The following VWA5A variants were observed in gnomAD, a reference collection of about 807,000 sequenced individuals.
VWA5A encodes the protein von Willebrand factor A domain-containing protein 5A.
VWA5A carries 77 observed loss-of-function variants against 84.6 expected under a neutral mutation model. That is an observed-to-expected ratio of 0.91 (90% CI 0.76 to 1.10). VWA5A has a LOEUF of 1.10. Among genes scored for constraint, VWA5A ranks in the 50% least tolerant of loss-of-function variants. VWA5A has a pLI of 0.00. For missense variants in VWA5A, 973 were observed against 963.0 expected (o/e 1.01, Z -0.14); for synonymous variants, 334 against 350.1 (o/e 0.95, Z 0.51).
rs775195651 is a variant in VWA5A at position 124,123,779 on chromosome 11, C to A, written c.1139C>A (p.Pro380His). The change falls in exon 10 of 19, where the codon CCC becomes CAC. Residue 380 changes from proline (P) to histidine (H), a missense_variant. Transcript: ENST00000456829. The stretch of plus-strand genomic sequence containing the variant: ...CCACTCCAGAACATTTACAGGGGAC[C>A]CTCCATCCCAGGCCACCCCCTACAG... ...LAPLQNIYRG[P>H]SIPGHPLQLF... 6.3e-7 allele frequency: 1 copy of A among 1,591,508 alleles called. No individual in the cohort carries two copies. Among genetic ancestry groups the A allele is most frequent in the Admixed American group, 1.8e-5 (1 of 55,656 alleles).
chr11:124,120,805 A>G (rs1304588060), intron 7 of VWA5A, among the ~76,000 whole-genome samples: 3 of 152,188 alleles, frequency 2.0e-5, no homozygotes, highest in Non-Finnish European at 4.4e-5. Flanking sequence ...AGTTAAGATT[A>G]TTTCAAAGGA....
Position 124,136,298 on chromosome 11 carries a change from G to C in VWA5A, c.1524+5G>C. The C allele has an allele frequency of 6.2e-7, 1 of 1,609,798 alleles. No individual in the cohort carries two copies. The highest frequency in any genetic ancestry group is 8.5e-7 in the Non-Finnish European group (1 of 1,176,520). ...CAGCTGACCGGGAGGATGCCAGTGA[G>C]TTCCCATTCTTATTTGTTCCTCTAG... is the stretch of plus-strand genomic sequence containing the variant. On this transcript the variant is annotated splice_donor_5th_base_variant and intron_variant, in intron 13 of 18. Coordinates refer to ENST00000456829, the MANE Select transcript of VWA5A (RefSeq NM_001130142.2).
intron 6 of VWA5A, 30 bp from the exon 7 acceptor site, chr11:124,118,945 A>T: frequency 2.0e-5 from 32 of 1,605,330 alleles, no homozygotes; most frequent in Non-Finnish European, 2.6e-5. Context: ...TATGATTCTA[A>T]TGTGGCTCCT....
chr11:124,118,942 C>G, intron 6 of VWA5A, 33 bp from the exon 7 acceptor site: 1 of 1,602,432 alleles, frequency 6.2e-7, no homozygotes, highest in Non-Finnish European at 8.5e-7. Flanking sequence ...AGTTATGATT[C>G]TAATGTGGCT....
In VWA5A at chr11:124,142,593, G is replaced by C. The variant is rs1042588304; in HGVS notation, c.2154+21G>C. On this transcript the variant is annotated intron_variant, in intron 17 of 18. Coordinates refer to ENST00000456829, the MANE Select transcript of VWA5A (RefSeq NM_001130142.2). Reference sequence around the variant, plus strand: ...CCGAGGTAAGATTCAATGGAAAAAGGAGTATGTATGTTTTTGAGAGAGAGG... The same window carrying C: ...CCGAGGTAAGATTCAATGGAAAAAGCAGTATGTATGTTTTTGAGAGAGAGG... 5 of 1,613,638 alleles carry C rather than the reference G, an allele frequency of 3.1e-6. No homozygotes were observed. The Admixed American group carries it at 8.3e-5, about 27-fold the overall frequency.
Position 124,117,908 on chromosome 11 carries a change from A to G in VWA5A, c.246+33A>G, listed in dbSNP as rs775899566. ...AGATTACCTCCTCCCTTCTTATTAC[A>G]TTACCTCCTCCCTTCTTATTTCCTT... is the stretch of plus-strand genomic sequence containing the variant. On this transcript the variant is annotated intron_variant, in intron 4 of 18. Coordinates refer to ENST00000456829, the MANE Select transcript of VWA5A (RefSeq NM_001130142.2). 1.1e-5 allele frequency: 17 copies of G among 1,608,512 alleles called. No homozygotes were observed. In the Admixed American group the frequency reaches 1.5e-4, roughly 14 times the overall value.
chr11:124,133,430 G>C (rs1035333310), intron 11 of VWA5A, among the ~76,000 whole-genome samples: 15 of 152,132 alleles, frequency 9.9e-5, no homozygotes, highest in African/African-American at 3.6e-4. Flanking sequence ...TCAGATGCTG[G>C]GCTCAATTCT....
Position 124,118,555 on chromosome 11 carries a change from T to G in VWA5A, c.492T>G (p.Leu164=), listed in dbSNP as rs756390985. ...TAGGGTCGTCTAAGGACAGTTGCCTTAATGTGAAGACTCCTATAGTCCCTG... is the reference window on the plus strand; with the variant it reads ...TAGGGTCGTCTAAGGACAGTTGCCTGAATGTGAAGACTCCTATAGTCCCTG... The part of the protein sequence containing the change: ...QFSGSSKDSC[L]NVKTPIVPVE... Residue 164 remains leucine (L), a synonymous_variant, in exon 6 of 19, where the codon CTT becomes CTG. Coordinates refer to ENST00000456829, the MANE Select transcript of VWA5A (RefSeq NM_001130142.2). 1 of 1,614,050 alleles carries G rather than the reference T, an allele frequency of 6.2e-7. No homozygotes were observed. The highest frequency in any genetic ancestry group is 1.3e-5 in the African/African-American group (1 of 74,926).
In VWA5A at chr11:124,142,536, G is replaced by A. The variant is rs375825137; in HGVS notation, c.2118G>A (p.Met706Ile). 1.2e-4 allele frequency: 188 copies of A among 1,614,052 alleles called. No homozygotes were observed. Among genetic ancestry groups the A allele is most frequent in the Non-Finnish European group, 1.5e-4 (182 of 1,180,042 alleles). The change falls in exon 17 of 19, where the codon ATG (methionine) becomes ATA (isoleucine). Residue 706 changes from methionine (M) to isoleucine (I), a missense_variant. By Grantham distance (10) the Met-to-Ile change is conservative. Coordinates refer to ENST00000456829, the MANE Select transcript of VWA5A (RefSeq NM_001130142.2). ...LNEDLAKILG[M>I]SLEEIMAAQP... ...AAGATCTAGCCAAGATCCTAGGTAT[G>A]AGTTTGGAAGAAATAATGGCTGCAC...
In VWA5A at chr11:124,123,113, G is replaced by A. The variant is rs1338193531; in HGVS notation, c.914G>A (p.Arg305Gln). 4 of 1,611,474 alleles carry A rather than the reference G, an allele frequency of 2.5e-6. No individual in the cohort carries two copies. Among genetic ancestry groups the A allele is most frequent in the Admixed American group, 1.7e-5 (1 of 59,472 alleles). ...AGTAGCCAGGATACATCTCAGCTGC[G>A]AATACAGGCAGCCAAGGTAAAGCTA... ...PMSSQDTSQL[R>Q]IQAAKETLIL... is the part of the protein sequence containing the mutation. Residue 305 changes from arginine to glutamine, a missense_variant, in exon 8 of 19, where the codon CGA becomes CAA. Coordinates refer to ENST00000456829, the MANE Select transcript of VWA5A (RefSeq NM_001130142.2).
intron 2 of VWA5A, 73 bp from the exon 3 acceptor site, chr11:124,117,423 AG>A: frequency 1.5e-6 from 2 of 1,353,440 alleles, no homozygotes; most frequent in Non-Finnish European, 2.1e-6. Flanking sequence ...TGCCAGAGAA[AG>A]GCACATAAAG....
intron 16 of VWA5A, among the ~76,000 whole-genome samples, 190 bp downstream of exon 16, chr11:124,141,931 G>A (rs189567303): frequency 6.6e-6 from 1 of 152,232 alleles, no homozygotes; most frequent in East Asian, 1.9e-4. Flanking sequence ...TGCAGATGAG[G>A]CAGGCCTCGG....
In VWA5A at chr11:124,141,606, A is replaced by G. The variant is rs1329172453; in HGVS notation, c.1888A>G (p.Lys630Glu). 1 of 1,613,938 alleles carries G rather than the reference A, an allele frequency of 6.2e-7. No homozygotes were observed. The highest frequency in any genetic ancestry group is 8.5e-7 in the Non-Finnish European group (1 of 1,179,940). The stretch of plus-strand genomic sequence containing the variant: ...TGTTTGGATTTTTTCAGGTTTTCGA[A>G]AGGCCTTACACTCTGACCGTCCTCC... ...LKIKCQSGFR[K>E]ALHSDRPPSA... is the part of the protein sequence containing the mutation. Residue 630 changes from lysine to glutamate, a missense_variant, in exon 16 of 19, where the codon AAG (lysine) becomes GAG (glutamate). By Grantham distance (56) the Lys-to-Glu change is moderately conservative. Transcript: ENST00000456829.
At chr11:124,117,919 CCTT>C in intron 4 of VWA5A, 44 bp downstream of exon 4, 2 of 1,604,032 alleles carry the variant, frequency 1.2e-6, no homozygotes, top group South Asian at 1.1e-5. Context: ...TTACCTCCTC[CCTT>C]CTTATTTCCT....
intron 11 of VWA5A, among the ~76,000 whole-genome samples, chr11:124,132,636 A>G (rs1865113747): frequency 6.6e-6 from 1 of 152,090 alleles, no homozygotes; most frequent in South Asian, 2.1e-4. Context: ...TGCCTTTTCT[A>G]TTAATATTTC....
intron 11 of VWA5A, among the ~76,000 whole-genome samples, chr11:124,130,111 G>T (rs1865075925): frequency 1.3e-5 from 2 of 152,110 alleles, no homozygotes; most frequent in Admixed American, 6.6e-5. Flanking sequence ...TGTTCTGTGG[G>T]CATTTAGTGC....
intron 15 of VWA5A, among the ~76,000 whole-genome samples, chr11:124,140,667 C>T (rs1217524754): frequency 2.0e-5 from 3 of 151,986 alleles, no homozygotes; most frequent in African/African-American, 7.3e-5. Context: ...TGAGGTCTCA[C>T]TACATTGCCT....
chr11:124,122,843 C>T, intron 7 of VWA5A, 117 bp from the exon 8 acceptor site: 1 of 1,005,518 alleles, frequency 9.9e-7, no homozygotes, highest in Non-Finnish European at 1.5e-6. Context: ...TGAATCATCA[C>T]AGTGTTTTAG....
chr11:124,130,020 G>A (rs1158473466), intron 11 of VWA5A, among the ~76,000 whole-genome samples: 1 of 151,968 alleles, frequency 6.6e-6, no homozygotes, highest in Non-Finnish European at 1.5e-5. Context: ...TCTTCTGCTA[G>A]CTTTTGAATG....
Sources: gnomAD v4.1 joint callset for allele counts (sites outside exome capture counted in the v4.1 genomes callset) on GRCh38, gnomAD v4.1.1 for gene constraint, MANE v1.5 for transcripts, NCBI Gene and HGNC (gene_info 2026-07-23, HGNC 2026-07-21) for gene names.